Variants in PTPRN2 observed in about 807,000 individuals in gnomAD.
PTPRN2 encodes the protein receptor-type tyrosine-protein phosphatase N2.
Under a neutral mutation model 118.8 loss-of-function variants are expected in PTPRN2, and 74 were observed. The ratio of observed to expected loss-of-function variants is 0.62; its 90% CI spans 0.52 to 0.76. The LOEUF is 0.76. PTPRN2 is among the 30% of genes least tolerant of loss of function. The pLI, the probability that PTPRN2 is intolerant of heterozygous loss-of-function variation, is 0.00. For synonymous variants in PTPRN2, 641 were observed against 608.0 expected (o/e 1.05, Z -0.80); for missense variants, 1,481 against 1,394.4 (o/e 1.06, Z -0.99).
At chr7:157,686,842 A>G (rs1178971750) in intron 12 of PTPRN2, among the ~76,000 whole-genome samples, 2 of 152,186 alleles carry the variant, frequency 1.3e-5, no homozygotes, top group African/African-American at 4.8e-5. Context: ...AGATGCACAG[A>G]TAGGCACACT....
At chr7:158,406,783 T>G (rs1813480695) in intron 2 of PTPRN2, among the ~76,000 whole-genome samples, 1 of 152,246 alleles carries the variant, frequency 6.6e-6, no homozygotes. Flanking sequence ...CTCCTGATTT[T>G]GTTTTTTTGT....
chr7:158,488,480 G>T (rs774395914), intron 2 of PTPRN2, among the ~76,000 whole-genome samples: 3 of 152,206 alleles, frequency 2.0e-5, no homozygotes, highest in Non-Finnish European at 4.4e-5. Context: ...AGACACAGAG[G>T]TGCCCCCAGC....
chr7:158,481,033 A>G (rs1215081985), intron 2 of PTPRN2, among the ~76,000 whole-genome samples: 1 of 152,276 alleles, frequency 6.6e-6, no homozygotes, highest in Non-Finnish European at 1.5e-5. Flanking sequence ...ACAGCCTTAC[A>G]TTGAAGAAGA....
intron 2 of PTPRN2, among the ~76,000 whole-genome samples, chr7:158,340,756 A>T (rs62481717): frequency 0.86 from 44,118 of 51,074 alleles, 20,565 homozygotes; most frequent in Middle Eastern, 0.91. Flanking sequence ...CAGACGTCAC[A>T]CACACCCACA....
intron 6 of PTPRN2, among the ~76,000 whole-genome samples, chr7:158,153,878 A>C (rs1821439709): frequency 8.4e-6 from 1 of 119,134 alleles, no homozygotes; most frequent in Non-Finnish European, 1.8e-5. Flanking sequence ...GGTGGGGAGG[A>C]GGGGGCACCC....
rs982384064 is a variant in PTPRN2, at chr7:158,235,321, T to C, written c.278-30048A>G. Among the ~76,000 whole-genome samples, 8 of 152,118 alleles carry C rather than the reference T, an allele frequency of 5.3e-5. No individual in the cohort carries two copies. In the East Asian group the frequency reaches 1.5e-3, roughly 29 times the overall value. On this transcript the variant is annotated intron_variant, in intron 3 of 22. Transcript: ENST00000389418. Reference sequence around the variant, plus strand: ...GTGTTTATTGCAGGACTAGTCACAATAGCAAAAATATGGAGTCGACCTAAG... The same window carrying C: ...GTGTTTATTGCAGGACTAGTCACAACAGCAAAAATATGGAGTCGACCTAAG...
Position 157,960,879 on chromosome 7 carries a change from C to G in PTPRN2, c.1724-62142G>C, listed in dbSNP as rs184920976. 9.2e-3 allele frequency among the ~76,000 whole-genome samples: 1,398 copies of G among 152,166 alleles called. 19 individuals carry two copies. Among genetic ancestry groups the G allele is most frequent in the African/African-American group, 0.032 (1,316 of 41,528 alleles). ...AAAATCAGCCAGGCATGGTGATGGGCGCCTGTAATCCCAGCTACTCTGGAG... is the reference window on the plus strand; with the variant it reads ...AAAATCAGCCAGGCATGGTGATGGGGGCCTGTAATCCCAGCTACTCTGGAG... On this transcript the variant is annotated intron_variant, in intron 11 of 22. Transcript: ENST00000389418.
intron 2 of PTPRN2, among the ~76,000 whole-genome samples, chr7:158,441,252 GTGA>G (rs201989519): frequency 2.0e-5 from 2 of 98,362 alleles, no homozygotes; most frequent in African/African-American, 2.9e-5. Flanking sequence ...GAAGGTGATG[GTGA>G]TGGTGATGGT....
intron 3 of PTPRN2, among the ~76,000 whole-genome samples, chr7:158,289,753 C>T (rs1245383799): frequency 6.6e-6 from 1 of 151,914 alleles, no homozygotes; most frequent in Non-Finnish European, 1.5e-5. Context: ...GTTGTTGTTG[C>T]CTTACGTTGA....
rs1803963025 is a variant in PTPRN2 at position 157,785,339 on chromosome 7, C to G, written c.1789-102402G>C. Among the ~76,000 whole-genome samples, 3 of 152,212 alleles carry G rather than the reference C, an allele frequency of 2.0e-5. No individual in the cohort carries two copies. Among genetic ancestry groups the G allele is most frequent in the South Asian group, 4.1e-4 (2 of 4,832 alleles). ...CCACAGCTGCCGCGGGTCCCCCCAA[C>G]CCCAAAGCCACTGAGTGAAAACAGA... On this transcript the variant is annotated intron_variant, in intron 12 of 22. Coordinates refer to ENST00000389418, the MANE Select transcript of PTPRN2 (RefSeq NM_002847.5). The surrounding 1 kb of genome is among the most constrained non-coding windows in gnomAD (Gnocchi z 7.3).
chr7:158,072,483 G>A (rs1430149776), intron 11 of PTPRN2, among the ~76,000 whole-genome samples: 1 of 152,166 alleles, frequency 6.6e-6, no homozygotes, highest in Non-Finnish European at 1.5e-5. Context: ...ACCTGCCTGT[G>A]ACAAGCGTCC....
intron 21 of PTPRN2, among the ~76,000 whole-genome samples, chr7:157,557,258 ACAC>A (rs1272806798): frequency 2.0e-5 from 3 of 150,478 alleles, no homozygotes. Context: ...TGCACACACC[ACAC>A]AACACTCACA....
At chr7:158,461,068 T>C (rs1818947672) in intron 2 of PTPRN2, among the ~76,000 whole-genome samples, 1 of 152,222 alleles carries the variant, frequency 6.6e-6, no homozygotes, top group African/African-American at 2.4e-5. Flanking sequence ...CTTTCTACTA[T>C]GGAGGATTCT....
chr7:158,503,129 AAGCCAC>A (rs1822493703), intron 1 of PTPRN2, among the ~76,000 whole-genome samples: 1 of 85,808 alleles, frequency 1.2e-5, no homozygotes, highest in African/African-American at 4.6e-5. Context: ...CTGTGTCCAT[AAGCCAC>A]TGTGTCCATC....
chr7:158,155,301 C>T (rs933222753), intron 6 of PTPRN2, among the ~76,000 whole-genome samples: 3 of 152,184 alleles, frequency 2.0e-5, no homozygotes, highest in Admixed American at 6.5e-5. Flanking sequence ...CAGATAACCT[C>T]GCCACAACAT....
intron 9 of PTPRN2, among the ~76,000 whole-genome samples, chr7:158,132,488 C>T (rs536672219): frequency 9.9e-5 from 15 of 152,154 alleles, no homozygotes; most frequent in Middle Eastern, 6.8e-3. Flanking sequence ...CACACACGCA[C>T]GCACATGCAC....
intron 11 of PTPRN2, among the ~76,000 whole-genome samples, chr7:158,034,692 G>C (rs1807974618): frequency 1.3e-5 from 2 of 152,220 alleles, no homozygotes; most frequent in Admixed American, 1.3e-4. Context: ...GCCAAGATCT[G>C]GAAATCAGGG....
At chr7:157,661,284 G>A (rs1563317678) in intron 13 of PTPRN2, among the ~76,000 whole-genome samples, 1 of 152,274 alleles carries the variant, frequency 6.6e-6, no homozygotes. Context: ...CAAGAAAAAT[G>A]TCCCTGGCAG....
chr7:158,357,029 T>C (rs544362909), intron 2 of PTPRN2, among the ~76,000 whole-genome samples: 119 of 152,268 alleles, frequency 7.8e-4, no homozygotes, highest in African/African-American at 2.8e-3. Context: ...AGAGTTAGTT[T>C]TTCTGCAAGT....
Sources: allele counts gnomAD v4.1 joint callset (sites outside exome capture counted in the v4.1 genomes callset), GRCh38; gene constraint gnomAD v4.1.1; non-coding constraint Gnocchi (gnomAD v3.1); transcripts MANE v1.5; gene names NCBI Gene and HGNC (gene_info 2026-07-23, HGNC 2026-07-21).